MRPL22: variants seen among roughly 807,000 people sequenced by gnomAD.
MRPL22 encodes the protein large ribosomal subunit protein uL22m.
MRPL22 carries 27 observed loss-of-function variants against 32.4 expected under a neutral mutation model. The observed-to-expected ratio is 0.83, with a 90% CI of 0.61 to 1.15. The LOEUF (loss-of-function observed/expected upper bound fraction) is 1.15, where lower values mean the gene tolerates loss of function less well. MRPL22 is among the 50% of genes most tolerant of loss of function. The pLI, the probability that MRPL22 is intolerant of heterozygous loss-of-function variation, is 0.00. For synonymous variants in MRPL22, 86 were observed against 87.3 expected (o/e 0.99, Z 0.08); for missense variants, 239 against 260.2 (o/e 0.92, Z 0.56).
At position 154,964,618 on chromosome 5, in the gene MRPL22, T is replaced by A. The variant is rs1469589194; in HGVS notation, c.410-2068T>A. On this transcript the variant is annotated intron_variant, in intron 6 of 6. Transcript: ENST00000523037. ...TTTTTGTTTTGACATAAAGAAATGA[T>A]GGCATCATGGCTTTAAGATATGCAG... Among the ~76,000 whole-genome samples, 9 of 152,228 alleles carry A rather than the reference T, an allele frequency of 5.9e-5. 1 individual carries two copies.
chr5:154,959,583 G>T (rs1219272276), intron 5 of MRPL22, among the ~76,000 whole-genome samples: 1 of 152,160 alleles, frequency 6.6e-6, no homozygotes, highest in Non-Finnish European at 1.5e-5. Flanking sequence ...GCCTCATGTG[G>T]TCTGCCCATC....
chr5:154,952,394 TTTG>T (rs1314062177), intron 3 of MRPL22, among the ~76,000 whole-genome samples: 1 of 152,194 alleles, frequency 6.6e-6, no homozygotes. Flanking sequence ...AATACAGTAA[TTTG>T]TTGTGTGTTA....
At chr5:154,963,005 C>T (rs1764724107) in intron 6 of MRPL22, among the ~76,000 whole-genome samples, 1 of 152,214 alleles carries the variant, frequency 6.6e-6, no homozygotes, top group Non-Finnish European at 1.5e-5. Context: ...GTGGTGCGAT[C>T]TCAGCTCACT....
chr5:154,944,804 G>C (rs972607616), intron 2 of MRPL22, among the ~76,000 whole-genome samples: 1 of 152,168 alleles, frequency 6.6e-6, no homozygotes, highest in Non-Finnish European at 1.5e-5. Context: ...TTTGAGTAAA[G>C]ATTTGAAGGA....
intron 2 of MRPL22, among the ~76,000 whole-genome samples, chr5:154,947,216 TTA>T (rs1352259671): frequency 1.3e-5 from 2 of 152,138 alleles, no homozygotes; most frequent in Non-Finnish European, 2.9e-5. Flanking sequence ...ACCCAGAAAA[TTA>T]TATGACTTCC....
intron 2 of MRPL22, among the ~76,000 whole-genome samples, chr5:154,943,782 C>G (rs1172567577): frequency 6.6e-6 from 1 of 151,824 alleles, no homozygotes; most frequent in East Asian, 1.9e-4. Flanking sequence ...CTTCCCAACT[C>G]AGCCTCCCAA....
intron 2 of MRPL22, among the ~76,000 whole-genome samples, chr5:154,944,815 A>C (rs533348077): frequency 6.6e-6 from 1 of 152,250 alleles, no homozygotes; most frequent in East Asian, 1.9e-4. Flanking sequence ...ATTTGAAGGA[A>C]ATGAGGAAGC....
intron 3 of MRPL22, 90 bp downstream of exon 3, chr5:154,951,028 A>G (rs1008219785): frequency 1.2e-6 from 1 of 846,152 alleles, no homozygotes; most frequent in East Asian, 2.5e-5. Flanking sequence ...GTGTTAAAAA[A>G]ATTATACAAC....
intron 3 of MRPL22, 70 bp downstream of exon 3, chr5:154,951,008 T>A: frequency 9.9e-7 from 1 of 1,010,054 alleles, no homozygotes; most frequent in Non-Finnish European, 1.5e-6. Flanking sequence ...TAGTAATGAT[T>A]TATTATTCTG....
chr5:154,946,794 C>T (rs993689229), intron 2 of MRPL22, among the ~76,000 whole-genome samples: 3 of 152,158 alleles, frequency 2.0e-5, no homozygotes, highest in Non-Finnish European at 4.4e-5. Flanking sequence ...GCATTCCAGC[C>T]TGGGTGACAA....
At chr5:154,944,469 T>G (rs1364720577) in intron 2 of MRPL22, among the ~76,000 whole-genome samples, 1 of 152,180 alleles carries the variant, frequency 6.6e-6, no homozygotes, top group Non-Finnish European at 1.5e-5. Context: ...TTTGGCATAG[T>G]TATTTACACT....
intron 6 of MRPL22, among the ~76,000 whole-genome samples, chr5:154,965,690 G>A (rs1582696629): frequency 6.6e-6 from 1 of 152,152 alleles, no homozygotes; most frequent in Non-Finnish European, 1.5e-5. Context: ...CCAAAGTGCT[G>A]AGATTACAGG....
intron 5 of MRPL22, among the ~76,000 whole-genome samples, chr5:154,958,667 AC>A (rs1198597893): frequency 6.8e-6 from 1 of 147,656 alleles, no homozygotes; most frequent in African/African-American, 2.5e-5. Flanking sequence ...ACCTCAGCCT[AC>A]CGAGTAGCTG....
At chr5:154,958,107 T>A (rs1764654982) in intron 5 of MRPL22, among the ~76,000 whole-genome samples, 1 of 151,910 alleles carries the variant, frequency 6.6e-6, no homozygotes, top group Non-Finnish European at 1.5e-5. Context: ...TTAGTAGAGA[T>A]GGGATTTCAC....
At position 154,967,150 on chromosome 5, in the gene MRPL22, G is replaced by A; in HGVS notation, c.*253G>A. On this transcript the variant is annotated 3_prime_UTR_variant, in exon 7 of 7. Coordinates refer to ENST00000523037, the MANE Select transcript of MRPL22 (RefSeq NM_014180.4). This position sits in a 1 kb window ranked among gnomAD's most constrained non-coding sequence, Gnocchi z 4.7. ...ACAGACTATATTTCAAAAGGCTTTT[G>A]GAGTAACTTTGAAAGGGAATGTTAA... 2.2e-6 allele frequency: 1 copy of A among 454,808 alleles called. No homozygotes were observed. Among genetic ancestry groups the A allele is most frequent in the Non-Finnish European group, 3.9e-6 (1 of 256,664 alleles). 28.2% of individuals were successfully genotyped at this position (454,808 alleles called of 1,614,324 possible).
chr5:154,953,007 C>T (rs972456923), intron 3 of MRPL22, among the ~76,000 whole-genome samples: 2 of 152,152 alleles, frequency 1.3e-5, no homozygotes, highest in Non-Finnish European at 2.9e-5. Context: ...TTAGCTAGCA[C>T]CAATTTCCAA....
intron 6 of MRPL22, among the ~76,000 whole-genome samples, chr5:154,965,386 C>T (rs1582696430): frequency 6.6e-6 from 1 of 150,956 alleles, no homozygotes; most frequent in African/African-American, 2.4e-5. Context: ...ACTACTCTGA[C>T]TTATTGTGGG....
At chr5:154,955,091 C>T (rs1329486063) in intron 3 of MRPL22, 2 of 152,112 alleles carry the variant, frequency 1.3e-5, no homozygotes, top group Non-Finnish European at 2.9e-5. Flanking sequence ...CTGCTCCCGG[C>T]CAAGGGTCTC....
At chr5:154,956,682 A>G (rs1300314787) in intron 4 of MRPL22, 5 of 423,808 alleles carry the variant, frequency 1.2e-5, no homozygotes, top group Admixed American at 4.2e-5. Context: ...TTTGGCTATA[A>G]CCAGAGAATC....
Sources: gnomAD v4.1 joint callset for allele counts (sites outside exome capture counted in the v4.1 genomes callset) on GRCh38, gnomAD v4.1.1 for gene constraint, Gnocchi (gnomAD v3.1) non-coding constraint, MANE v1.5 for transcripts, NCBI Gene and HGNC (gene_info 2026-07-23, HGNC 2026-07-21) for gene names.